The following TGM1 variants were observed in gnomAD, a reference collection of about 807,000 sequenced individuals.
TGM1 encodes the protein transglutaminase 1.
In TGM1, 63 loss-of-function variants were observed where a neutral mutation model predicts 88.7. That is an observed-to-expected ratio of 0.71 (90% CI 0.58 to 0.88). TGM1 has a LOEUF of 0.88. Among genes scored for constraint, TGM1 ranks in the 40% least tolerant of loss-of-function variants. TGM1 has a pLI of 0.00. For missense variants in TGM1, 996 were observed against 1,118.0 expected (o/e 0.89, Z 1.56); for synonymous variants, 415 against 431.1 (o/e 0.96, Z 0.46).
Position 24,262,732 on chromosome 14 carries a change from C to T in TGM1, c.-3+357G>A, listed in dbSNP as rs535453939. Among the ~76,000 whole-genome samples, 3 of 152,340 alleles carry T rather than the reference C, an allele frequency of 2.0e-5. No individual in the cohort carries two copies. In the South Asian group the frequency reaches 6.2e-4, roughly 32 times the overall value. On this transcript the variant is annotated intron_variant, in intron 1 of 14. Coordinates refer to ENST00000206765, the MANE Select transcript of TGM1 (RefSeq NM_000359.3). ...CCAGCATCCCTGGGCCTGGTCCGTC[C>T]ACCTGCTAGCTCTGCAGTCTAGAGG...
At position 24,262,045 on chromosome 14, in the gene TGM1, C is replaced by G; in HGVS notation, c.308G>C (p.Gly103Ala). 6.2e-7 allele frequency: 1 copy of G among 1,613,588 alleles called. No homozygotes were observed. The highest frequency in any genetic ancestry group is 8.5e-7 in the Non-Finnish European group (1 of 1,180,034). Reference sequence around the variant, plus strand: ...CAGACCGGCCTCACCTCGGATGGTGCCATCTCCAGCTGCATTGACACCGCT... The same window carrying G: ...CAGACCGGCCTCACCTCGGATGGTGGCATCTCCAGCTGCATTGACACCGCT... The part of the protein sequence containing the change: ...RGSGVNAAGD[G>A]TIREGMLVVN... Residue 103 changes from glycine (G) to alanine (A), a missense_variant, in exon 2 of 15, where the codon GGC becomes GCC. By Grantham distance (60) the Gly-to-Ala change is moderately conservative. Coordinates refer to ENST00000206765, the MANE Select transcript of TGM1 (RefSeq NM_000359.3).
chr14:24,253,203 A>G (rs1439917219), intron 14 of TGM1, among the ~76,000 whole-genome samples: 1 of 152,172 alleles, frequency 6.6e-6, no homozygotes, highest in Admixed American at 6.5e-5. Flanking sequence ...CAGCTTCCCC[A>G]TCTGTAAGTG....
chr14:24,252,454 T>C (rs1490047360), intron 14 of TGM1, among the ~76,000 whole-genome samples: 1 of 152,054 alleles, frequency 6.6e-6, no homozygotes, highest in East Asian at 1.9e-4. Flanking sequence ...GCGGATCCCT[T>C]AGGACGAGGA....
At position 24,255,343 on chromosome 14, in the gene TGM1, G is replaced by A; in HGVS notation, c.1645+21C>T. 1 of 1,614,230 alleles carries A rather than the reference G, an allele frequency of 6.2e-7. No homozygotes were observed. The highest frequency in any genetic ancestry group is 1.1e-5 in the South Asian group (1 of 91,092). The stretch of plus-strand genomic sequence containing the variant: ...ACACTTGTTGTGGGGCCCAGAGCTG[G>A]CTGGGTTGGGGGAATGGTACCTTCT... On this transcript the variant is annotated intron_variant, in intron 11 of 14. Transcript: ENST00000206765. This position sits in a 1 kb window ranked among gnomAD's most constrained non-coding sequence, Gnocchi z 4.0.
chr14:24,250,221 ACAC>A (rs1467180214), intron 14 of TGM1, among the ~76,000 whole-genome samples: 1 of 151,756 alleles, frequency 6.6e-6, no homozygotes, highest in Admixed American at 6.6e-5. Context: ...ACACACACAC[ACAC>A]AACCAGTGTT....
chr14:24,260,102 C>G (rs1199703250), intron 4 of TGM1, 44 bp from the exon 5 acceptor site: 1 of 1,545,772 alleles, frequency 6.5e-7, no homozygotes, highest in Non-Finnish European at 8.9e-7. Flanking sequence ...CCAGTTCTCT[C>G]CCTGGGCCTC....
chr14:24,260,457 C>T lies in TGM1; in HGVS notation c.750G>A (p.Trp250Ter). 6.2e-7 allele frequency: 1 copy of T among 1,614,216 alleles called. No individual in the cohort carries two copies. Among genetic ancestry groups the T allele is most frequent in the East Asian group, 2.2e-5 (1 of 44,878 alleles). Residue 250 changes from tryptophan (W) to a stop codon, truncating the protein, a stop_gained, in exon 4 of 15, where the codon TGG becomes TGA. Transcript: ENST00000206765. LOFTEE classifies it high-confidence loss of function. ...CAGACCCCAGCTGCTCACCTGGGCA[C>T]CAGGGGTTGAAGAGGATGTAGATCT... The part of the protein sequence containing the change: ...RNEIYILFNP[W>*]CPEDIVYVDH...
intron 13 of TGM1, 131 bp from the exon 14 acceptor site, chr14:24,254,419 A>G: frequency 7.1e-7 from 1 of 1,416,476 alleles, no homozygotes; most frequent in Non-Finnish European, 9.7e-7. Flanking sequence ...TCCTCCTGAG[A>G]GAAGATTCCC....
At chr14:24,258,896 C>T (rs1045072668) in intron 7 of TGM1, among the ~76,000 whole-genome samples, 179 bp downstream of exon 7, 45 of 152,214 alleles carry the variant, frequency 3.0e-4, no homozygotes, top group Non-Finnish European at 5.9e-4. Context: ...CCTTCTCCCT[C>T]CTTTCCCTTA....
At chr14:24,251,116 A>C (rs1012062888) in intron 14 of TGM1, among the ~76,000 whole-genome samples, 5 of 152,206 alleles carry the variant, frequency 3.3e-5, no homozygotes, top group Non-Finnish European at 7.3e-5. Flanking sequence ...AATGGAAGTG[A>C]AAGTAAAAGG....
Position 24,261,832 on chromosome 14 carries a change from T to C in TGM1, c.371A>G (p.Gln124Arg), listed in dbSNP as rs1414391455. ...GVDLLSSRSD[Q>R]NRREHHTDEY... is the part of the protein sequence containing the mutation. ...GTCTGTGTGGTGCTCTCGGCGGTTC[T>C]GGTCCGAGCGCGAGCTCAGCAAGTC... The change falls in exon 3 of 15, where the codon CAG (glutamine) becomes CGG (arginine). Residue 124 changes from glutamine (Q) to arginine (R), a missense_variant. Transcript: ENST00000206765. 6.2e-7 allele frequency: 1 copy of C among 1,614,052 alleles called. No homozygotes were observed. Among genetic ancestry groups the C allele is most frequent in the Non-Finnish European group, 8.5e-7 (1 of 1,179,998 alleles).
At position 24,255,457 on chromosome 14, in the gene TGM1, C is replaced by A. The variant is rs35312232; in HGVS notation, c.1552G>T (p.Val518Leu). 1 of 1,614,116 alleles carries A rather than the reference C, an allele frequency of 6.2e-7. No individual in the cohort carries two copies. Among genetic ancestry groups the A allele is most frequent in the Non-Finnish European group, 8.5e-7 (1 of 1,180,024 alleles). Residue 518 changes from valine (V) to leucine (L), a missense_variant, in exon 11 of 15, where the codon GTG (valine) becomes TTG (leucine). Transcript: ENST00000206765. The surrounding 1 kb of genome is among the most constrained non-coding windows in gnomAD (Gnocchi z 4.0). ...AGTGTGCCGATGGCCTTCTCCTCCA[C>A]ATAAACAATCTTGAAGCTGCCATCA... is the stretch of plus-strand genomic sequence containing the variant. ...QDDGSFKIVY[V>L]EEKAIGTLIV...
chr14:24,250,153 T>TGTGTGA (rs1430943215), intron 14 of TGM1, among the ~76,000 whole-genome samples: 1 of 32,794 alleles, frequency 3.0e-5, no homozygotes, highest in Non-Finnish European at 6.0e-5. Context: ...TGTCTCTGTG[T>TGTGTGA]GTGTGTGTGT....
intron 14 of TGM1, among the ~76,000 whole-genome samples, chr14:24,252,422 C>T (rs989201590): frequency 2.6e-5 from 4 of 152,248 alleles, no homozygotes; most frequent in Non-Finnish European, 5.9e-5. Context: ...CCTGGTGGGG[C>T]TGCTGAGGCA....
In TGM1 at chr14:24,253,833, G is replaced by C. The variant is rs1229230776; in HGVS notation, c.2225+319C>G. ...TGTGTCCAAAGGAGATAATATTCCTGAAAGGGCCTGGTCAATTCTTCAGTG... is the reference window on the plus strand; with the variant it reads ...TGTGTCCAAAGGAGATAATATTCCTCAAAGGGCCTGGTCAATTCTTCAGTG... On this transcript the variant is annotated intron_variant, in intron 14 of 14. Transcript: ENST00000206765. Among the ~76,000 whole-genome samples the C allele has an allele frequency of 5.9e-5, 9 of 152,150 alleles. 1 individual carries two copies.
intron 8 of TGM1, 64 bp from the exon 9 acceptor site, chr14:24,258,452 GCCTCCCCAGCCCTGCCCAC>G: frequency 1.9e-5 from 30 of 1,611,354 alleles, no homozygotes; most frequent in Admixed American, 3.3e-5. Flanking sequence ...AGTTTCCCCA[GCCTCCCCAGCCCTGCCCAC>G]CCTCCACCTC....
rs1459639805 is a variant in TGM1 at position 24,254,219 on chromosome 14, T to C, written c.2158A>G (p.Thr720Ala). ...QIVFKNPLPV[T>A]LTNVVFRLEG... ...AGCCGGAAGACGACATTGGTGAGGG[T>C]GACGGGAAGGGGGTTCTTGAAGACA... Residue 720 changes from threonine (T) to alanine (A), a missense_variant, in exon 14 of 15, where the codon ACC becomes GCC. By Grantham distance (58) the Thr-to-Ala change is moderately conservative. Transcript: ENST00000206765. 1 of 1,613,750 alleles carries C rather than the reference T, an allele frequency of 6.2e-7. No homozygotes were observed. Among genetic ancestry groups the C allele is most frequent in the Admixed American group, 1.7e-5 (1 of 59,960 alleles).
chr14:24,254,296 A>G lies in TGM1; in HGVS notation c.2089-8T>C. Reference sequence around the variant, plus strand: ...CACTGCTGCTCCCAGTAACTGAGAGAAAAAGAGGCCCATCCCCCACGTCAG... The same window carrying G: ...CACTGCTGCTCCCAGTAACTGAGAGGAAAAGAGGCCCATCCCCCACGTCAG... On this transcript the variant is annotated splice_polypyrimidine_tract_variant and splice_region_variant and intron_variant, in intron 13 of 14. Transcript: ENST00000206765. 1.2e-6 allele frequency: 2 copies of G among 1,613,936 alleles called. No homozygotes were observed. The highest frequency in any genetic ancestry group is 1.7e-6 in the Non-Finnish European group (2 of 1,179,966).
chr14:24,250,303 T>G (rs1192423948), intron 14 of TGM1, among the ~76,000 whole-genome samples: 1 of 152,078 alleles, frequency 6.6e-6, no homozygotes, highest in Non-Finnish European at 1.5e-5. Context: ...AATCATGATT[T>G]CACTAGTCCT....
Sources: gnomAD v4.1 joint callset for allele counts (sites outside exome capture counted in the v4.1 genomes callset) on GRCh38, gnomAD v4.1.1 for gene constraint, Gnocchi (gnomAD v3.1) non-coding constraint, MANE v1.5 for transcripts, NCBI Gene and HGNC (gene_info 2026-07-23, HGNC 2026-07-21) for gene names.